LRP1B: variants seen among roughly 807,000 people sequenced by gnomAD.
The protein encoded by LRP1B is LDL receptor related protein 1B, also known as low-density lipoprotein receptor-related protein 1B.
In LRP1B, 217 loss-of-function variants were observed where a neutral mutation model predicts 556.6. The observed-to-expected ratio is 0.39, with a 90% CI of 0.35 to 0.44. The LOEUF (loss-of-function observed/expected upper bound fraction) is 0.44. LRP1B is among the 20% of genes least tolerant of loss of function. LRP1B has a pLI of 1.00. For synonymous variants in LRP1B, 2,047 were observed against 1,865.8 expected (o/e 1.10, Z -2.50); for missense variants, 5,053 against 5,620.8 (o/e 0.90, Z 3.23).
chr2:141,158,401 A>T (rs1457880500), intron 7 of LRP1B, among the ~76,000 whole-genome samples: 2 of 152,192 alleles, frequency 1.3e-5, no homozygotes, highest in Non-Finnish European at 2.9e-5. Context: ...TTAAGTGCAT[A>T]GAAAAGGTGA....
chr2:141,769,750 G>C (rs1694838311), intron 2 of LRP1B, among the ~76,000 whole-genome samples: 1 of 152,094 alleles, frequency 6.6e-6, no homozygotes, highest in African/African-American at 2.4e-5. Flanking sequence ...CTTTCCATTG[G>C]AACTGCATTT....
chr2:140,286,417 C>A (rs1413002184), intron 84 of LRP1B, among the ~76,000 whole-genome samples: 1 of 151,776 alleles, frequency 6.6e-6, no homozygotes, highest in Non-Finnish European at 1.5e-5. Flanking sequence ...AATGAGAGAG[C>A]CCTTGGACAT....
chr2:140,966,153 T>C (rs534910129), intron 18 of LRP1B, among the ~76,000 whole-genome samples: 51 of 152,340 alleles, frequency 3.3e-4, no homozygotes, highest in Middle Eastern at 3.4e-3. Flanking sequence ...ATGGTTGAAC[T>C]AGTTTACAGT....
At position 141,997,758 on chromosome 2, in the gene LRP1B, G is replaced by A. The variant is rs77438857; in HGVS notation, c.82+132890C>T. Reference sequence around the variant, plus strand: ...GTTGACTGAGTTCTGTTTTCTCCACGTACTTCTGCCTGTCTCTCCTTTCTC... The same window carrying A: ...GTTGACTGAGTTCTGTTTTCTCCACATACTTCTGCCTGTCTCTCCTTTCTC... On this transcript the variant is annotated intron_variant, in intron 1 of 90. Transcript: ENST00000389484. Among the ~76,000 whole-genome samples the A allele has an allele frequency of 2.8e-3, 418 of 151,112 alleles. 1 individual carries two copies. Among genetic ancestry groups the A allele is most frequent in the African/African-American group, 9.5e-3 (389 of 41,088 alleles).
intron 3 of LRP1B, among the ~76,000 whole-genome samples, chr2:141,281,028 C>G (rs901108350): frequency 1.3e-5 from 2 of 151,874 alleles, no homozygotes; most frequent in African/African-American, 4.8e-5. Context: ...ACTCAAAATA[C>G]CAATGTCTAG....
At chr2:141,088,638 A>G (rs943106843) in intron 7 of LRP1B, among the ~76,000 whole-genome samples, 1 of 152,170 alleles carries the variant, frequency 6.6e-6, no homozygotes, top group East Asian at 1.9e-4. Context: ...TGCCTTTGTC[A>G]GTTGGCAACA....
intron 41 of LRP1B, among the ~76,000 whole-genome samples, chr2:140,639,994 G>GT (rs1368198502): frequency 2.6e-5 from 4 of 151,978 alleles, no homozygotes; most frequent in African/African-American, 9.7e-5. Context: ...ATGCTACATT[G>GT]TTTTTTGTTT....
At position 140,769,348 on chromosome 2, in the gene LRP1B, A is replaced by C; in HGVS notation, c.5627-4T>G. The stretch of plus-strand genomic sequence containing the variant: ...TACATAAGAAATGATTCTATACCTA[A>C]ATGCAGGGCCGGAGATAAGGGGGGG... On this transcript the variant is annotated splice_region_variant and splice_polypyrimidine_tract_variant and intron_variant, in intron 34 of 90. Coordinates refer to ENST00000389484, the MANE Select transcript of LRP1B (RefSeq NM_018557.3). 1 of 1,598,528 alleles carries C rather than the reference A, an allele frequency of 6.3e-7. No individual in the cohort carries two copies.
chr2:141,510,236 C>CACACACACCCA (rs1553524111), intron 2 of LRP1B, among the ~76,000 whole-genome samples: 1 of 132,160 alleles, frequency 7.6e-6, no homozygotes, highest in African/African-American at 2.7e-5. Flanking sequence ...ACACACACAC[C>CACACACACCCA]CCCCACAGTC....
At chr2:142,050,949 CAATATT>C (rs1355006624) in intron 1 of LRP1B, among the ~76,000 whole-genome samples, 1 of 151,940 alleles carries the variant, frequency 6.6e-6, no homozygotes, top group Non-Finnish European at 1.5e-5. Flanking sequence ...GGAAAAAGAG[CAATATT>C]AATATTAAAG....
chr2:141,907,072 A>G (rs1699778456), intron 1 of LRP1B, among the ~76,000 whole-genome samples: 1 of 152,018 alleles, frequency 6.6e-6, no homozygotes, highest in Non-Finnish European at 1.5e-5. Flanking sequence ...TTTCAGAATC[A>G]ATACAATCAA....
At chr2:140,625,556 A>T (rs1683626195) in intron 41 of LRP1B, among the ~76,000 whole-genome samples, 1 of 152,156 alleles carries the variant, frequency 6.6e-6, no homozygotes, top group Non-Finnish European at 1.5e-5. Flanking sequence ...CACCTGACTT[A>T]AAAAAATGGG....
At chr2:141,427,250 C>A (rs1680403355) in intron 3 of LRP1B, among the ~76,000 whole-genome samples, 1 of 152,202 alleles carries the variant, frequency 6.6e-6, no homozygotes, top group East Asian at 1.9e-4. Flanking sequence ...TATGTGTGAA[C>A]CTGTATGAAA....
At chr2:141,521,515 T>TA (rs1270500865) in intron 2 of LRP1B, among the ~76,000 whole-genome samples, 3 of 124,458 alleles carry the variant, frequency 2.4e-5, no homozygotes, top group Non-Finnish European at 5.5e-5. Context: ...TACTTGGAAG[T>TA]AATTTTTTTT....
At chr2:140,347,540 T>C (rs1681748588) in intron 77 of LRP1B, among the ~76,000 whole-genome samples, 1 of 151,934 alleles carries the variant, frequency 6.6e-6, no homozygotes, top group South Asian at 2.1e-4. Flanking sequence ...TTTAGTTGTC[T>C]GAATAATATT....
At chr2:141,188,288 C>T in intron 7 of LRP1B, 133 bp downstream of exon 7, 1 of 830,268 alleles carries the variant, frequency 1.2e-6, no homozygotes, top group Non-Finnish European at 1.9e-6. Context: ...TCCTGCGACA[C>T]AGTTGTTAAA....
At chr2:141,403,385 T>G (rs779967929) in intron 3 of LRP1B, among the ~76,000 whole-genome samples, 31 of 152,112 alleles carry the variant, frequency 2.0e-4, no homozygotes, top group Admixed American at 8.5e-4. Flanking sequence ...AATTCAACCC[T>G]TTAAGTTTAC....
At chr2:140,935,079 T>G (rs1447816389) in intron 20 of LRP1B, among the ~76,000 whole-genome samples, 1 of 152,124 alleles carries the variant, frequency 6.6e-6, no homozygotes, top group Admixed American at 6.6e-5. Flanking sequence ...ATTATTAGAT[T>G]CAAATTTCTA....
chr2:140,749,620 C>T (rs1170966996), intron 35 of LRP1B, among the ~76,000 whole-genome samples: 1 of 152,182 alleles, frequency 6.6e-6, no homozygotes, highest in Non-Finnish European at 1.5e-5. Flanking sequence ...TCTTGTCCCA[C>T]TGGAAGGTCT....
Sources: allele counts gnomAD v4.1 joint callset (sites outside exome capture counted in the v4.1 genomes callset), GRCh38; gene constraint gnomAD v4.1.1; transcripts MANE v1.5; gene names NCBI Gene and HGNC (gene_info 2026-07-23, HGNC 2026-07-21).